Variants in GRIK2 observed in about 807,000 individuals in gnomAD.
GRIK2 encodes glutamate ionotropic receptor kainate type subunit 2.
Under a neutral mutation model 100.3 loss-of-function variants are expected in GRIK2, and 32 were observed. The ratio of observed to expected loss-of-function variants is 0.32; its 90% CI spans 0.24 to 0.43. The LOEUF (loss-of-function observed/expected upper bound fraction) is 0.43, where lower values mean the gene tolerates loss of function less well. Among genes scored for constraint, GRIK2 ranks in the 20% least tolerant of loss-of-function variants. The pLI is 1.00. For missense variants in GRIK2, 843 were observed against 1,114.9 expected (o/e 0.76, Z 3.47); for synonymous variants, 417 against 389.4 (o/e 1.07, Z -0.83).
chr6:101,856,674 C>T (rs998480463), intron 10 of GRIK2, among the ~76,000 whole-genome samples: 5 of 151,994 alleles, frequency 3.3e-5, no homozygotes, highest in South Asian at 2.1e-4. Context: ...AGTAGGGAAA[C>T]GTGAGTTCAC....
At chr6:101,542,484 G>GA (rs1776047881) in intron 2 of GRIK2, among the ~76,000 whole-genome samples, 1 of 90 alleles carries the variant, frequency 0.011, no homozygotes, top group Non-Finnish European at 0.025. Flanking sequence ...ACTGTAGCAA[G>GA]AAGGTGTTTT....
intron 7 of GRIK2, among the ~76,000 whole-genome samples, chr6:101,763,209 A>G (rs1445666432): frequency 6.6e-6 from 1 of 152,236 alleles, no homozygotes. Context: ...CTTTGATTTG[A>G]TGACAATGTG....
intron 7 of GRIK2, among the ~76,000 whole-genome samples, chr6:101,739,276 G>A (rs1396353363): frequency 6.6e-6 from 1 of 152,128 alleles, no homozygotes; most frequent in Non-Finnish European, 1.5e-5. Context: ...AAATCACATA[G>A]GCCCTCAGTG....
intron 2 of GRIK2, 73 bp from the exon 3 acceptor site, chr6:101,621,876 G>T: frequency 9.7e-7 from 1 of 1,035,362 alleles, no homozygotes; most frequent in East Asian, 2.6e-5. Flanking sequence ...GAAAACTTCT[G>T]ATATTTTCTT....
At chr6:101,922,627 A>G (rs1341010020) in intron 12 of GRIK2, among the ~76,000 whole-genome samples, 1 of 152,156 alleles carries the variant, frequency 6.6e-6, no homozygotes, top group Non-Finnish European at 1.5e-5. Context: ...ACATTAACCC[A>G]TACAATCCTT....
At chr6:101,447,456 A>G (rs1770442230) in intron 2 of GRIK2, among the ~76,000 whole-genome samples, 1 of 151,770 alleles carries the variant, frequency 6.6e-6, no homozygotes, top group South Asian at 2.1e-4. Context: ...CAGTTCTCTC[A>G]GGAATTTTGA....
At chr6:101,993,388 G>A (rs1041492668) in intron 14 of GRIK2, 7 of 151,316 alleles carry the variant, frequency 4.6e-5, no homozygotes, top group African/African-American at 9.7e-5. Context: ...AAGTGTTAAA[G>A]TTTTATTTTT....
chr6:102,007,637 T>C (rs1028166219), intron 14 of GRIK2, among the ~76,000 whole-genome samples: 2 of 152,108 alleles, frequency 1.3e-5, no homozygotes, highest in African/African-American at 2.4e-5. Context: ...ACAATGCAAT[T>C]GTTGAAACAG....
intron 2 of GRIK2, among the ~76,000 whole-genome samples, chr6:101,519,300 C>CGTGTGTGTGTGT (rs55646921): frequency 1.8e-4 from 25 of 141,064 alleles, no homozygotes; most frequent in African/African-American, 5.7e-4. Flanking sequence ...CGGAGTTAAA[C>CGTGTGTGTGTGT]GTGTGTGTGT....
chr6:101,815,735 A>G (rs1180692582), intron 9 of GRIK2, among the ~76,000 whole-genome samples: 1 of 152,202 alleles, frequency 6.6e-6, no homozygotes, highest in Non-Finnish European at 1.5e-5. Context: ...CCATTAAAAC[A>G]AAACAAAACC....
At chr6:101,623,811 T>C (rs963099405) in intron 3 of GRIK2, among the ~76,000 whole-genome samples, 3 of 152,158 alleles carry the variant, frequency 2.0e-5, no homozygotes, top group African/African-American at 7.2e-5. Context: ...TATGAATAAC[T>C]GTCTTTGTGA....
In GRIK2 at chr6:101,510,775, G is replaced by A. The variant is rs558394429; in HGVS notation, c.116-111174G>A. Among the ~76,000 whole-genome samples, 407 of 151,962 alleles carry A rather than the reference G, an allele frequency of 2.7e-3. 4 individuals are homozygous for A. The highest frequency in any genetic ancestry group is 2.9e-3 in the Non-Finnish European group (197 of 67,958). ...CTGGCCTCCTGATTCACCTGCCTCA[G>A]CCTCCCAAAGTGCTGGGATTACAGG... On this transcript the variant is annotated intron_variant, in intron 2 of 16. Transcript: ENST00000369134.
chr6:102,040,089 C>G (rs1392432775), intron 15 of GRIK2, among the ~76,000 whole-genome samples: 2 of 151,354 alleles, frequency 1.3e-5, no homozygotes. Context: ...CAGTGAGTAA[C>G]TATTTCTGTG....
intron 2 of GRIK2, among the ~76,000 whole-genome samples, chr6:101,541,358 A>C (rs1775975178): frequency 2.2e-4 from 1 of 4,470 alleles, no homozygotes; most frequent in African/African-American, 7.7e-4. Flanking sequence ...AACAGATGTT[A>C]CACCCCAGCG....
intron 10 of GRIK2, among the ~76,000 whole-genome samples, chr6:101,850,208 G>T (rs897169613): frequency 1.3e-5 from 2 of 151,934 alleles, no homozygotes; most frequent in African/African-American, 2.4e-5. Flanking sequence ...AATTGGTAGG[G>T]ATTTCAAATT....
chr6:101,576,612 T>C (rs1777800045), intron 2 of GRIK2, among the ~76,000 whole-genome samples: 1 of 152,080 alleles, frequency 6.6e-6, no homozygotes. Flanking sequence ...TCTGTCACAT[T>C]ATGCATAGAA....
intron 12 of GRIK2, among the ~76,000 whole-genome samples, chr6:101,910,875 A>G (rs1788641859): frequency 6.6e-6 from 1 of 150,650 alleles, no homozygotes; most frequent in Non-Finnish European, 1.5e-5. Flanking sequence ...ATACACAAGC[A>G]TTGGCTAATA....
intron 2 of GRIK2, among the ~76,000 whole-genome samples, chr6:101,414,811 C>T (rs970453551): frequency 1.3e-5 from 2 of 152,116 alleles, no homozygotes; most frequent in Non-Finnish European, 2.9e-5. Flanking sequence ...GGAAAATGTA[C>T]CCAGCTGAAA....
intron 2 of GRIK2, among the ~76,000 whole-genome samples, chr6:101,503,277 G>A (rs1263898079): frequency 6.6e-6 from 1 of 152,118 alleles, no homozygotes; most frequent in Non-Finnish European, 1.5e-5. Flanking sequence ...TGAGGAAAAG[G>A]TATAAATAAA....
Sources: gnomAD v4.1 joint callset for allele counts (sites outside exome capture counted in the v4.1 genomes callset) on GRCh38, gnomAD v4.1.1 for gene constraint, MANE v1.5 for transcripts, NCBI Gene and HGNC (gene_info 2026-07-23, HGNC 2026-07-21) for gene names.